Variants in LYRM4 observed in about 807,000 individuals in gnomAD.
The protein encoded by LYRM4 is LYR motif-containing protein 4.
A neutral mutation model predicts 11.7 loss-of-function variants in LYRM4; 9 were observed. The observed-to-expected ratio is 0.77, with a 90% confidence interval of 0.46 to 1.34. LYRM4 has a LOEUF of 1.34. LYRM4 is among the 40% of genes most tolerant of loss of function. The pLI, the probability that LYRM4 is intolerant of heterozygous loss-of-function variation, is 0.00. For synonymous variants in LYRM4, 42 were observed against 40.4 expected, an observed-to-expected ratio of 1.04 and a Z score of -0.15; for missense variants, 133 against 112.5, an observed-to-expected ratio of 1.18 and a Z score of -0.82.
At chr6:5,237,217 C>T (rs1763601040) in intron 1 of LYRM4, among the ~76,000 whole-genome samples, 1 of 152,184 alleles carries the variant, frequency 6.6e-6, no homozygotes, top group Non-Finnish European at 1.5e-5. Context: ...TTTATAGCCA[C>T]TCCCCATCGC....
intron 2 of LYRM4, among the ~76,000 whole-genome samples, chr6:5,190,322 T>C (rs551425691): frequency 4.4e-4 from 67 of 152,236 alleles, no homozygotes; most frequent in African/African-American, 1.6e-3. Flanking sequence ...TCCTGATATA[T>C]AGATAGATGG....
intron 2 of LYRM4, 52 bp from the exon 3 acceptor site, chr6:5,109,543 G>A (rs375100855): frequency 6.5e-7 from 1 of 1,537,932 alleles, no homozygotes; most frequent in Non-Finnish European, 9.0e-7. Flanking sequence ...CTAGCCCCTG[G>A]GAAAGGCCAG....
intron 2 of LYRM4, among the ~76,000 whole-genome samples, chr6:5,188,769 T>C (rs1265487896): frequency 6.6e-6 from 1 of 152,104 alleles, no homozygotes; most frequent in East Asian, 1.9e-4. Flanking sequence ...ACTATTATGA[T>C]GATATATTTT....
intron 2 of LYRM4, among the ~76,000 whole-genome samples, chr6:5,179,119 C>G (rs1031940710): frequency 7.0e-6 from 1 of 143,176 alleles, no homozygotes; most frequent in African/African-American, 2.6e-5. Flanking sequence ...CCCTCAATAA[C>G]TCAAAGTCAG....
intron 1 of LYRM4, among the ~76,000 whole-genome samples, chr6:5,249,379 C>T (rs9405260): frequency 0.15 from 23,314 of 152,138 alleles, 1,992 homozygotes; most frequent in East Asian, 0.23. Context: ...ATATGTAAGT[C>T]AAAGTAGTTC....
chr6:5,062,087 T>C, the LYRM4 span, among the ~76,000 whole-genome samples: 195 of 110,348 alleles, frequency 1.8e-3, 1 homozygote, highest in Middle Eastern at 0.015. Flanking sequence ...TCTTCTTTTT[T>C]TTTTTTTTTT....
intron 2 of LYRM4, among the ~76,000 whole-genome samples, chr6:5,134,703 A>G (rs1756976885): frequency 6.6e-6 from 1 of 152,234 alleles, no homozygotes; most frequent in African/African-American, 2.4e-5. Flanking sequence ...AAGATGGGTG[A>G]TGGATACACA....
At chr6:5,099,047 A>G (rs192954143), downstream of LYRM4, among the ~76,000 whole-genome samples, 15 of 152,216 alleles carry the variant, frequency 9.9e-5, no homozygotes, top group Admixed American at 2.6e-4. This position sits in a 1 kb window ranked among gnomAD's most constrained non-coding sequence, Gnocchi z 4.3. Flanking sequence ...GACTGGTGGC[A>G]TAAGCGCATC....
downstream of LYRM4, among the ~76,000 whole-genome samples, chr6:5,101,796 C>T (rs1762505453): frequency 6.6e-6 from 1 of 151,760 alleles, no homozygotes; most frequent in African/African-American, 2.4e-5. Flanking sequence ...TACCACCACA[C>T]CATTTTATCT....
the LYRM4 span, chr6:5,085,854 C>T: frequency 1.3e-6 from 2 of 1,530,042 alleles, no homozygotes; most frequent in South Asian, 2.4e-5. Flanking sequence ...GCCCGGGCGG[C>T]TGCTGCGCCA....
chr6:5,105,864 C>T (rs1046893487), downstream of LYRM4: 4 of 153,366 alleles, frequency 2.6e-5, no homozygotes, highest in Non-Finnish European at 5.8e-5. Context: ...TAAAAACTCC[C>T]GAGTTGCTCA....
intron 1 of LYRM4, chr6:5,240,714 G>T (rs1279554610): frequency 6.6e-6 from 1 of 152,266 alleles, no homozygotes; most frequent in Non-Finnish European, 1.5e-5. Context: ...GCCAGGGAAA[G>T]AAAGGACTGC....
At chr6:5,136,858 C>A (rs1581352867) in intron 2 of LYRM4, 15 of 974,210 alleles carry the variant, frequency 1.5e-5, no homozygotes, top group Non-Finnish European at 1.7e-5. Context: ...AATTCATACA[C>A]CATCAAATCT....
At chr6:5,046,883 A>G in the LYRM4 span, among the ~76,000 whole-genome samples, 1 of 152,176 alleles carries the variant, frequency 6.6e-6, no homozygotes, top group African/African-American at 2.4e-5. Flanking sequence ...TGAGCCCAGG[A>G]GTTCGAGACC....
chr6:5,218,466 T>G (rs1762403516), intron 1 of LYRM4: 1 of 782,492 alleles, frequency 1.3e-6, no homozygotes, highest in Non-Finnish European at 1.6e-6. Flanking sequence ...CATTTTACAT[T>G]AAAAAATTCA....
chr6:5,188,116 A>G (rs951702889), intron 2 of LYRM4, among the ~76,000 whole-genome samples: 6 of 152,236 alleles, frequency 3.9e-5, no homozygotes, highest in Non-Finnish European at 8.8e-5. Context: ...TGGGAGGCTG[A>G]GGTGGGAGGA....
At chr6:5,067,784 C>G in the LYRM4 span, among the ~76,000 whole-genome samples, 5 of 152,164 alleles carry the variant, frequency 3.3e-5, no homozygotes, top group Admixed American at 6.5e-5. Flanking sequence ...TTACGATACA[C>G]ACAAAGTAAG....
At chr6:5,219,035 C>A (rs1017767222) in intron 1 of LYRM4, among the ~76,000 whole-genome samples, 85 of 152,130 alleles carry the variant, frequency 5.6e-4, no homozygotes, top group African/African-American at 2.0e-3. Flanking sequence ...CATGAATTTA[C>A]CTCCAGGAAT....
chr6:5,154,535 G>C (rs768497537), intron 2 of LYRM4, among the ~76,000 whole-genome samples: 1 of 151,648 alleles, frequency 6.6e-6, no homozygotes, highest in Non-Finnish European at 1.5e-5. Flanking sequence ...AGGCGGATTC[G>C]GCCGGGCGCG....
Sources: allele counts gnomAD v4.1 joint callset (sites outside exome capture counted in the v4.1 genomes callset), GRCh38; gene constraint gnomAD v4.1.1; non-coding constraint Gnocchi (gnomAD v3.1); transcripts MANE v1.5; gene names NCBI Gene and HGNC (gene_info 2026-07-23, HGNC 2026-07-21).